Variants in GPATCH2L observed in about 807,000 individuals in gnomAD.
The protein encoded by GPATCH2L is G-patch domain containing 2 like.
A neutral mutation model predicts 57.4 loss-of-function variants in GPATCH2L; 31 were observed. The observed-to-expected ratio is 0.54, with a 90% confidence interval of 0.41 to 0.73. The LOEUF (loss-of-function observed/expected upper bound fraction) is 0.73. Ranked by LOEUF, GPATCH2L falls within the 30% of genes least tolerant of loss-of-function variation. GPATCH2L has a pLI of 0.00. For synonymous variants in GPATCH2L, 199 were observed against 210.7 expected (o/e 0.94, Z 0.48); for missense variants, 481 against 599.9 (o/e 0.80, Z 2.07).
In GPATCH2L at chr14:76,232,604, G is replaced by A. The variant is rs115517636; in HGVS notation, c.*117+2651G>A. On this transcript the variant is annotated intron_variant and NMD_transcript_variant, in intron 2 of 3. Coordinates refer to the GPATCH2L transcript ENST00000556372. ...GTTTGATAATTCACTAGAAAGACTC[G>A]CAGAACTCACTGATAGCTGTTAGAT... Among the ~76,000 whole-genome samples, 1,258 of 152,262 alleles carry A rather than the reference G, an allele frequency of 8.3e-3. 21 individuals are homozygous for A. The highest frequency in any genetic ancestry group is 0.029 in the African/African-American group (1,208 of 41,534).
intron 8 of GPATCH2L, among the ~76,000 whole-genome samples, chr14:76,184,163 A>G (rs774914069): frequency 2.6e-5 from 4 of 151,804 alleles, no homozygotes; most frequent in Non-Finnish European, 5.9e-5. Flanking sequence ...TGGTGTATTA[A>G]TTTGCTGTAT....
intron 3 of GPATCH2L, among the ~76,000 whole-genome samples, chr14:76,171,064 C>T (rs2039059711): frequency 6.6e-6 from 1 of 152,116 alleles, no homozygotes; most frequent in African/African-American, 2.4e-5. Flanking sequence ...CAGTCTAACA[C>T]AGTATGACAT....
intron 8 of GPATCH2L, among the ~76,000 whole-genome samples, chr14:76,182,372 A>AAG (rs1251858224): frequency 1.2e-4 from 17 of 147,090 alleles, no homozygotes; most frequent in African/African-American, 3.9e-4. Context: ...AGAAAAAAAA[A>AAG]AAAAAAAAAA....
intron 9 of GPATCH2L, among the ~76,000 whole-genome samples, chr14:76,200,500 AAGAG>A (rs927794659): frequency 6.6e-6 from 1 of 152,094 alleles, no homozygotes; most frequent in African/African-American, 2.4e-5. Flanking sequence ...GAGAGAGAAA[AAGAG>A]AGAGATTTGA....
At chr14:76,166,836 T>C in intron 3 of GPATCH2L, 109 bp downstream of exon 3, 1 of 819,496 alleles carries the variant, frequency 1.2e-6, no homozygotes, top group Non-Finnish European at 2.1e-6. Context: ...GCAGTGGTTC[T>C]CAAACTTTAA....
chr14:76,197,321 T>A (rs889438391), intron 9 of GPATCH2L, among the ~76,000 whole-genome samples: 70 of 152,236 alleles, frequency 4.6e-4, no homozygotes, highest in Non-Finnish European at 8.5e-4. Flanking sequence ...TTGTTCTTTT[T>A]TTCTCCTTAA....
rs1464311365 is a variant in GPATCH2L at position 76,205,725 on chromosome 14, A to G, written c.*3874A>G. 2 of 152,280 alleles carry G rather than the reference A, an allele frequency of 1.3e-5. No individual in the cohort carries two copies. Among genetic ancestry groups the G allele is most frequent in the African/African-American group, 4.8e-5 (2 of 41,460 alleles). The allele number at this position is 152,280 out of a possible 1,614,324, so 9.4% of individuals were successfully genotyped here. On this transcript the variant is annotated 3_prime_UTR_variant, in exon 10 of 10. Coordinates refer to ENST00000261530, the MANE Select transcript of GPATCH2L (RefSeq NM_017926.4). ...AGTCACTTGGAATTGAAAAAGATAC[A>G]GAGTGTTGAGACAAAGGAACTAGGC...
chr14:76,228,805 A>C (rs1429592989), intron 1 of GPATCH2L, among the ~76,000 whole-genome samples: 1 of 152,128 alleles, frequency 6.6e-6, no homozygotes, highest in African/African-American at 2.4e-5. Context: ...GAGCTCAGAG[A>C]AAGAGGTTAT....
At chr14:76,192,848 A>G (rs377550244) in intron 8 of GPATCH2L, among the ~76,000 whole-genome samples, 2 of 152,218 alleles carry the variant, frequency 1.3e-5, no homozygotes, top group African/African-American at 4.8e-5. Context: ...CTTTCCTGTT[A>G]TAACCAGAGG....
At chr14:76,163,644 A>C (rs1351768526) in intron 2 of GPATCH2L, among the ~76,000 whole-genome samples, 1 of 152,246 alleles carries the variant, frequency 6.6e-6, no homozygotes, top group Admixed American at 6.5e-5. Flanking sequence ...CCCTAGAAGT[A>C]GCTTTCTAAT....
chr14:76,167,487 C>T (rs1226897213), intron 3 of GPATCH2L, among the ~76,000 whole-genome samples: 2 of 152,184 alleles, frequency 1.3e-5, no homozygotes, highest in Non-Finnish European at 2.9e-5. Context: ...AATTAAAGGA[C>T]AGACGTAGTG....
chr14:76,224,690 G>C (rs1319549654), intron 1 of GPATCH2L, among the ~76,000 whole-genome samples: 1 of 152,034 alleles, frequency 6.6e-6, no homozygotes, highest in African/African-American at 2.4e-5. Context: ...ATTGCAATAA[G>C]GCAAGGAAAA....
intron 3 of GPATCH2L, among the ~76,000 whole-genome samples, 190 bp from the exon 4 acceptor site, chr14:76,171,653 G>T (rs903857762): frequency 6.6e-6 from 1 of 151,974 alleles, no homozygotes; most frequent in African/African-American, 2.4e-5. Flanking sequence ...AGGCTGAGAT[G>T]GGAGGATTGC....
At chr14:76,160,728 A>G (rs983626562) in intron 2 of GPATCH2L, among the ~76,000 whole-genome samples, 2 of 152,216 alleles carry the variant, frequency 1.3e-5, no homozygotes, top group Non-Finnish European at 2.9e-5. Flanking sequence ...AGTGGCTCAG[A>G]CATTCTTAGA....
chr14:76,154,609 G>T lies in GPATCH2L; in HGVS notation c.246G>T (p.Val82=). The T allele has an allele frequency of 6.2e-7, 1 of 1,614,238 alleles. No individual in the cohort carries two copies. Among genetic ancestry groups the T allele is most frequent in the South Asian group, 1.1e-5 (1 of 91,082 alleles). ...AGGACTGTCGAGAAGTGGCTCCGGT[G>T]ACCAATTTTAGTGACTCTGATGACA... is the stretch of plus-strand genomic sequence containing the variant. The part of the protein sequence containing the change: ...ATKDCREVAP[V]TNFSDSDDTM... The change falls in exon 2 of 10, where the codon GTG becomes GTT. Residue 82 remains valine (V), a synonymous_variant. Coordinates refer to ENST00000261530, the MANE Select transcript of GPATCH2L (RefSeq NM_017926.4). This position sits in a 1 kb window ranked among gnomAD's most constrained non-coding sequence, Gnocchi z 4.4.
intron 8 of GPATCH2L, 111 bp downstream of exon 8, chr14:76,180,960 A>G: frequency 1.4e-6 from 1 of 700,604 alleles, no homozygotes. Flanking sequence ...TGATCCTGAC[A>G]ATCTTTTGAG....
chr14:76,155,042 T>G lies in GPATCH2L; in HGVS notation c.662+17T>G, dbSNP rs374580427. The stretch of plus-strand genomic sequence containing the variant: ...GTCAGAATGGTGAGATCTCCCTTAC[T>G]AAGTCAAAGATTTTCCTGGTTAATT... On this transcript the variant is annotated intron_variant, in intron 2 of 9. Coordinates refer to ENST00000261530, the MANE Select transcript of GPATCH2L (RefSeq NM_017926.4). 3.1e-6 allele frequency: 5 copies of G among 1,588,712 alleles called. No homozygotes were observed. In the Admixed American group the frequency reaches 8.6e-5, roughly 27 times the overall value.
At chr14:76,199,603 C>T (rs1021871788) in intron 9 of GPATCH2L, among the ~76,000 whole-genome samples, 20 of 152,152 alleles carry the variant, frequency 1.3e-4, no homozygotes, top group Non-Finnish European at 2.4e-4. Flanking sequence ...CAAGTGCAAA[C>T]ATTCTTTTAG....
chr14:76,196,293 A>G (rs2139805771), intron 9 of GPATCH2L: 1 of 604,696 alleles, frequency 1.7e-6, no homozygotes, highest in East Asian at 2.7e-5. Context: ...GTGGCAGTTC[A>G]GTCAGGCAGT....
Sources: allele counts gnomAD v4.1 joint callset (sites outside exome capture counted in the v4.1 genomes callset), GRCh38; gene constraint gnomAD v4.1.1; non-coding constraint Gnocchi (gnomAD v3.1); transcripts MANE v1.5; gene names NCBI Gene and HGNC (gene_info 2026-07-23, HGNC 2026-07-21).